The following KLHL8 variants were observed in gnomAD, a reference collection of about 807,000 sequenced individuals.
The protein encoded by KLHL8 is kelch-like protein 8.
KLHL8 carries 38 observed loss-of-function variants against 63.5 expected under a neutral mutation model. The ratio of observed to expected loss-of-function variants is 0.60; its 90% CI spans 0.46 to 0.78. The LOEUF is 0.78. KLHL8 is among the 30% of genes least tolerant of loss of function. The pLI is 0.00. For missense variants in KLHL8, 566 were observed against 752.4 expected (o/e 0.75, Z 2.90); for synonymous variants, 224 against 254.3 (o/e 0.88, Z 1.13).
chr4:87,169,143 A>G (rs1167910888), intron 8 of KLHL8, among the ~76,000 whole-genome samples: 1 of 152,058 alleles, frequency 6.6e-6, no homozygotes, highest in Non-Finnish European at 1.5e-5. Context: ...TGTCTTTACT[A>G]AAAATACAAA....
In KLHL8 at chr4:87,170,618, G is replaced by T; in HGVS notation, c.1209-3C>A. ...AGGAAGCCAAGGCAATTCCTCGCCT[G>T]CAAAGACAATAAAACATACTTTAGC... is the stretch of plus-strand genomic sequence containing the variant. On this transcript the variant is annotated splice_polypyrimidine_tract_variant and splice_region_variant and intron_variant, in intron 6 of 9. Coordinates refer to ENST00000273963, the MANE Select transcript of KLHL8 (RefSeq NM_020803.5). 1 of 1,599,822 alleles carries T rather than the reference G, an allele frequency of 6.3e-7. No individual in the cohort carries two copies.
At position 87,228,513 on chromosome 4, in the gene KLHL8, G is replaced by A. The variant is rs115142581; in HGVS notation, n.58-7123C>T. On this transcript the variant is annotated intron_variant and non_coding_transcript_variant, in intron 1 of 1. Coordinates refer to the KLHL8 transcript ENST00000506274. ...AAAACAGTCTCACTAAAGACCTGGAGGCTTTGGAAGTTCCAGTTGAGAAAA... is the reference window on the plus strand; with the variant it reads ...AAAACAGTCTCACTAAAGACCTGGAAGCTTTGGAAGTTCCAGTTGAGAAAA... Among the ~76,000 whole-genome samples, 547 of 152,300 alleles carry A rather than the reference G, an allele frequency of 3.6e-3. 1 individual carries two copies. The highest frequency in any genetic ancestry group is 0.012 in the African/African-American group (512 of 41,554).
In KLHL8 at chr4:87,185,231, A is replaced by T. The variant is rs1202783051; in HGVS notation, c.765+20T>A. 1.1e-5 allele frequency: 17 copies of T among 1,579,124 alleles called. No homozygotes were observed. In the Admixed American group the frequency reaches 3.0e-4, roughly 28 times the overall value. On this transcript the variant is annotated intron_variant, in intron 3 of 9. Transcript: ENST00000273963. ...TCCATATCACTTCATTTCTGTGTGA[A>T]ATCTTATTTCAGCTCCTACCTGTGC...
At chr4:87,184,921 A>C (rs1731193103) in intron 3 of KLHL8, among the ~76,000 whole-genome samples, 1 of 152,218 alleles carries the variant, frequency 6.6e-6, no homozygotes, top group Admixed American at 6.5e-5. Flanking sequence ...AATAATTATA[A>C]AGTATATTAA....
intron 8 of KLHL8, among the ~76,000 whole-genome samples, chr4:87,164,875 G>T (rs146196107): frequency 6.6e-6 from 1 of 152,028 alleles, no homozygotes; most frequent in Non-Finnish European, 1.5e-5. Context: ...GAGGCCGGGC[G>T]CGGTGGCTCA....
chr4:87,231,439 C>T (rs1179166618), intron 1 of KLHL8, among the ~76,000 whole-genome samples: 2 of 152,188 alleles, frequency 1.3e-5, no homozygotes, highest in African/African-American at 4.8e-5. Context: ...TCTGCCTCAA[C>T]ATGCCACCTG....
At chr4:87,194,217 C>T (rs1219085160) in intron 2 of KLHL8, among the ~76,000 whole-genome samples, 1 of 152,156 alleles carries the variant, frequency 6.6e-6, no homozygotes, top group Non-Finnish European at 1.5e-5. Context: ...CTAGCTTAGG[C>T]CCATTTTGTC....
intron 1 of KLHL8, among the ~76,000 whole-genome samples, chr4:87,212,837 A>G (rs1215647731): frequency 6.6e-6 from 1 of 152,214 alleles, no homozygotes; most frequent in Admixed American, 6.5e-5. Flanking sequence ...CAGGAGCAAC[A>G]GGCTACACCA....
intron 1 of KLHL8, among the ~76,000 whole-genome samples, chr4:87,206,599 T>A (rs1732140706): frequency 6.6e-6 from 1 of 152,202 alleles, no homozygotes. Context: ...TCTGTAGAAA[T>A]GGTGGGAGAT....
chr4:87,182,354 G>C (rs571202046), intron 4 of KLHL8, among the ~76,000 whole-genome samples: 12 of 151,654 alleles, frequency 7.9e-5, no homozygotes, highest in Middle Eastern at 3.4e-3. Flanking sequence ...ATGACTTTCA[G>C]CATTTCTTTG....
chr4:87,162,847 G>A lies in KLHL8; in HGVS notation c.*672C>T, dbSNP rs1730225353. On this transcript the variant is annotated 3_prime_UTR_variant, in exon 10 of 10. Coordinates refer to ENST00000273963, the MANE Select transcript of KLHL8 (RefSeq NM_020803.5). ...AAAAAATAAAACTGTAAAATCATTT[G>A]GATGGAGTTAGCCCAGCTAGGTCTT... The A allele has an allele frequency of 6.6e-6, 1 of 152,116 alleles. No homozygotes were observed. The highest frequency in any genetic ancestry group is 6.5e-5 in the Admixed American group (1 of 15,270). 9.4% of individuals were successfully genotyped at this position (152,116 alleles called of 1,614,324 possible).
At chr4:87,199,689 A>G (rs1385711880) in intron 1 of KLHL8, among the ~76,000 whole-genome samples, 3 of 151,762 alleles carry the variant, frequency 2.0e-5, no homozygotes, top group East Asian at 1.9e-4. Context: ...GAAGAACCCA[A>G]TTTTAAAATG....
intron 1 of KLHL8, among the ~76,000 whole-genome samples, chr4:87,232,156 ATC>A (rs1243321608): frequency 6.6e-6 from 1 of 152,212 alleles, no homozygotes; most frequent in East Asian, 1.9e-4. Context: ...TTCCAAACAC[ATC>A]TCTCTTTCTC....
Position 87,185,331 on chromosome 4 carries a change from G to C in KLHL8, c.685C>G (p.Gln229Glu), listed in dbSNP as rs776394636. Residue 229 changes from glutamine (Q) to glutamate (E), a missense_variant, in exon 3 of 10, where the codon CAG becomes GAG. Physicochemically the swap from Gln to Glu is conservative, Grantham distance 29. Coordinates refer to ENST00000273963, the MANE Select transcript of KLHL8 (RefSeq NM_020803.5). ...SSDLNIENEK[Q>E]VYNAAIKWLL... ...CACTTGATGGCAGCATTATAGACCTGCTTTTCATTTTCAATATTTAGATCA... is the reference window on the plus strand; with the variant it reads ...CACTTGATGGCAGCATTATAGACCTCCTTTTCATTTTCAATATTTAGATCA... 6.2e-7 allele frequency: 1 copy of C among 1,614,146 alleles called. No homozygotes were observed. The highest frequency in any genetic ancestry group is 1.1e-5 in the South Asian group (1 of 91,080).
At position 87,195,390 on chromosome 4, in the gene KLHL8, C is replaced by T. The variant is rs1234838744; in HGVS notation, c.150G>A (p.Trp50Ter). The change falls in exon 2 of 10, where the codon TGG (tryptophan) becomes TGA (stop). Residue 50 changes from tryptophan (W) to a stop codon, truncating the protein, a stop_gained. Transcript: ENST00000273963. LOFTEE classifies it high-confidence loss of function. ...GAAGAAGAGAACCATGAAAATCTTT[C>T]CAAGCTTCATTTGCTTCAAAAATAA... ...DSFIFEANEAWKDFHGSLLRF... is the reference protein window; with the variant it reads ...DSFIFEANEA 2 of 1,613,510 alleles carry T rather than the reference C, an allele frequency of 1.2e-6. No homozygotes were observed. Among genetic ancestry groups the T allele is most frequent in the Non-Finnish European group, 1.7e-6 (2 of 1,179,894 alleles).
intron 2 of KLHL8, among the ~76,000 whole-genome samples, chr4:87,193,039 T>C (rs187943230): frequency 3.3e-5 from 5 of 152,294 alleles, no homozygotes; most frequent in Admixed American, 2.6e-4. Context: ...CTGTAGACTT[T>C]ATAAACACTG....
At chr4:87,233,684 C>T (rs1033521692) in intron 1 of KLHL8, among the ~76,000 whole-genome samples, 2 of 152,094 alleles carry the variant, frequency 1.3e-5, no homozygotes, top group Non-Finnish European at 2.9e-5. Context: ...TGGGACATAA[C>T]GATATTTTCT....
rs1480965702 is a variant in KLHL8 at position 87,220,572 on chromosome 4, G to T, written c.-306C>A. ...CTGCGCGGCCCCGCGGAGCCCCGGCGGGCGCTTGGCGTCCTCTCGCCTCAG... is the reference window on the plus strand; with the variant it reads ...CTGCGCGGCCCCGCGGAGCCCCGGCTGGCGCTTGGCGTCCTCTCGCCTCAG... On this transcript the variant is annotated 5_prime_UTR_variant, in exon 1 of 10. Transcript: ENST00000273963. 6.6e-6 allele frequency: 1 copy of T among 152,080 alleles called. No individual in the cohort carries two copies. Among genetic ancestry groups the T allele is most frequent in the Non-Finnish European group, 1.5e-5 (1 of 68,016 alleles). 9.4% of individuals were successfully genotyped at this position (152,080 alleles called of 1,614,324 possible). A position where few individuals can be genotyped will look rare whatever the true frequency, so the allele number is the denominator to read the frequency against.
intron 1 of KLHL8, among the ~76,000 whole-genome samples, chr4:87,214,415 G>GATATATATATATATATATATAT (rs58112792): frequency 3.2e-5 from 3 of 93,110 alleles, no homozygotes; most frequent in African/African-American, 7.4e-5. Context: ...GCACATAACA[G>GATATATATATATATATATATAT]ATATATATAT....
Sources: allele counts gnomAD v4.1 joint callset (sites outside exome capture counted in the v4.1 genomes callset), GRCh38; gene constraint gnomAD v4.1.1; transcripts MANE v1.5; gene names NCBI Gene and HGNC (gene_info 2026-07-23, HGNC 2026-07-21).